NTM: variants seen among roughly 807,000 people sequenced by gnomAD.
The protein encoded by NTM is neurotrimin, also known as IgLON family member 2.
NTM carries 13 observed loss-of-function variants against 42.1 expected under a neutral mutation model. That is an observed-to-expected ratio of 0.31 (90% CI 0.20 to 0.49). The LOEUF is 0.49. Ranked by LOEUF, NTM falls within the 20% of genes least tolerant of loss-of-function variation. The pLI is 0.99. For synonymous variants in NTM, 187 were observed against 179.2 expected (o/e 1.04, Z -0.35); for missense variants, 373 against 452.8 (o/e 0.82, Z 1.60).
chr11:131,502,600 C>T (rs1415643440), intron 1 of NTM, among the ~76,000 whole-genome samples: 2 of 152,124 alleles, frequency 1.3e-5, no homozygotes, highest in African/African-American at 2.4e-5. Flanking sequence ...CATTCCCCGG[C>T]GTCTCTGGCA....
intron 3 of NTM, among the ~76,000 whole-genome samples, chr11:132,168,727 G>A (rs2075658367): frequency 6.6e-6 from 1 of 152,062 alleles, no homozygotes; most frequent in Non-Finnish European, 1.5e-5. Context: ...TTGGCTTTTA[G>A]AACTGATTTT....
chr11:131,530,050 T>C (rs2051032872), intron 1 of NTM, among the ~76,000 whole-genome samples: 1 of 152,202 alleles, frequency 6.6e-6, no homozygotes, highest in African/African-American at 2.4e-5. Context: ...TGGATGCATC[T>C]GAGGAAGGTG....
intron 2 of NTM, among the ~76,000 whole-genome samples, chr11:131,997,128 T>C (rs2068205074): frequency 6.6e-6 from 1 of 152,200 alleles, no homozygotes; most frequent in African/African-American, 2.4e-5. Flanking sequence ...CCTCTGTTTC[T>C]TTGATATTCT....
chr11:131,972,454 AT>A (rs1393233541), intron 2 of NTM, among the ~76,000 whole-genome samples: 4 of 152,192 alleles, frequency 2.6e-5, no homozygotes, highest in Non-Finnish European at 5.9e-5. Flanking sequence ...GATGAAGTCT[AT>A]CTTACATAAT....
At chr11:132,207,951 G>A (rs2082234896) in intron 3 of NTM, among the ~76,000 whole-genome samples, 1 of 152,182 alleles carries the variant, frequency 6.6e-6, no homozygotes, top group Admixed American at 6.5e-5. Context: ...TCTTGAGGCT[G>A]TGAACTCCTT....
chr11:131,489,442 A>G (rs1463679245), intron 1 of NTM, among the ~76,000 whole-genome samples: 1 of 152,240 alleles, frequency 6.6e-6, no homozygotes, highest in Non-Finnish European at 1.5e-5. Context: ...ATGCCCTAGC[A>G]TAATTCTTTC....
rs560404950 is a variant in NTM at position 132,286,527 on chromosome 11, C to T, written c.527-21162C>T. On this transcript the variant is annotated intron_variant, in intron 4 of 8. Coordinates refer to ENST00000683400, the MANE Select transcript of NTM (RefSeq NM_001352005.2). ...TACTTTGCCTGTCCGCCCCCCCCAC[C>T]CAAACACACACAGCCTCAATGCGCA... 1.7e-4 allele frequency among the ~76,000 whole-genome samples: 26 copies of T among 152,232 alleles called. No individual in the cohort carries two copies. In the South Asian group the frequency reaches 4.8e-3, roughly 28 times the overall value.
chr11:131,977,107 G>A (rs944023566), intron 2 of NTM, among the ~76,000 whole-genome samples: 1 of 152,154 alleles, frequency 6.6e-6, no homozygotes, highest in Non-Finnish European at 1.5e-5. Context: ...AATATATTTG[G>A]CTTATCACAC....
At chr11:132,039,182 C>T (rs2076877771) in intron 2 of NTM, among the ~76,000 whole-genome samples, 1 of 152,130 alleles carries the variant, frequency 6.6e-6, no homozygotes, top group Non-Finnish European at 1.5e-5. Flanking sequence ...CTGCCTCCCA[C>T]CCAATTGGAC....
intron 1 of NTM, among the ~76,000 whole-genome samples, chr11:131,448,961 A>T (rs988815424): frequency 2.0e-5 from 3 of 152,222 alleles, no homozygotes; most frequent in Admixed American, 2.0e-4. Flanking sequence ...TTGTCCATCC[A>T]CTGAGAACCC....
At chr11:131,849,895 A>G (rs542343209) in intron 1 of NTM, among the ~76,000 whole-genome samples, 36 of 151,590 alleles carry the variant, frequency 2.4e-4, no homozygotes, top group African/African-American at 7.0e-4. Flanking sequence ...TGGGTGCAGC[A>G]CACCAACATG....
intron 1 of NTM, among the ~76,000 whole-genome samples, chr11:131,434,340 C>G (rs1174674056): frequency 6.6e-6 from 1 of 152,164 alleles, no homozygotes; most frequent in East Asian, 1.9e-4. Flanking sequence ...ATTTCTAGTT[C>G]TAGATCCTTG....
chr11:131,425,524 A>G lies in NTM; in HGVS notation c.82+54636A>G, dbSNP rs909686582. 3.3e-5 allele frequency among the ~76,000 whole-genome samples: 5 copies of G among 152,238 alleles called. No homozygotes were observed. In the East Asian group the frequency reaches 9.6e-4, roughly 29 times the overall value. ...AAGGCTTCCCTGAAGCCAGGGTCGAATATTGGCTATCCTTCACAATCACTA... is the reference window on the plus strand; with the variant it reads ...AAGGCTTCCCTGAAGCCAGGGTCGAGTATTGGCTATCCTTCACAATCACTA... On this transcript the variant is annotated intron_variant, in intron 1 of 8. Transcript: ENST00000683400.
At chr11:131,741,162 TGAGAGAGAGAGA>T (rs71067330) in intron 1 of NTM, among the ~76,000 whole-genome samples, 1,435 of 129,812 alleles carry the variant, frequency 0.011, 23 homozygotes, top group African/African-American at 0.038. Context: ...AAGACCCCGT[TGAGAGAGAGAGA>T]GAGAGAGAGA....
intron 1 of NTM, among the ~76,000 whole-genome samples, chr11:131,719,883 T>C (rs181246936): frequency 6.6e-6 from 1 of 152,302 alleles, no homozygotes; most frequent in East Asian, 1.9e-4. Context: ...AATTGGAAAT[T>C]ACTTTGGTCT....
At chr11:131,932,162 T>C (rs1027563638) in intron 2 of NTM, among the ~76,000 whole-genome samples, 1 of 152,160 alleles carries the variant, frequency 6.6e-6, no homozygotes, top group African/African-American at 2.4e-5. Flanking sequence ...TCAAACATAA[T>C]AAAATCCCTG....
In NTM at chr11:132,040,665, G is replaced by A. The variant is rs114508115; in HGVS notation, c.168-105617G>A. ...CCCATCCCCAGGCTTAGGGAGTTGTGGACAGGACAGTCTATTATAACACTT... is the reference window on the plus strand; with the variant it reads ...CCCATCCCCAGGCTTAGGGAGTTGTAGACAGGACAGTCTATTATAACACTT... On this transcript the variant is annotated intron_variant, in intron 2 of 8. Transcript: ENST00000683400. 3.7e-3 allele frequency among the ~76,000 whole-genome samples: 565 copies of A among 152,284 alleles called. 8 individuals carry two copies. The highest frequency in any genetic ancestry group is 0.013 in the African/African-American group (536 of 41,548).
intron 4 of NTM, chr11:132,284,432 C>A: frequency 6.6e-6 from 1 of 152,544 alleles, no homozygotes; most frequent in Non-Finnish European, 1.5e-5. Context: ...CTAAGGACAC[C>A]AGTCCCATTA....
intron 2 of NTM, among the ~76,000 whole-genome samples, chr11:132,066,410 G>T (rs910192163): frequency 1.3e-5 from 2 of 152,178 alleles, no homozygotes; most frequent in African/African-American, 4.8e-5. Flanking sequence ...TTTTTATGAT[G>T]GAGACTGATG....
Sources: gnomAD v4.1 joint callset for allele counts (sites outside exome capture counted in the v4.1 genomes callset) on GRCh38, gnomAD v4.1.1 for gene constraint, MANE v1.5 for transcripts, NCBI Gene and HGNC (gene_info 2026-07-23, HGNC 2026-07-21) for gene names.